The following ARL6IP6 variants were observed in gnomAD, a reference collection of about 807,000 sequenced individuals.
The protein encoded by ARL6IP6 is ARF like GTPase 6 interacting protein 6.
Under a neutral mutation model 21.5 loss-of-function variants are expected in ARL6IP6, and 22 were observed. The ratio of observed to expected loss-of-function variants is 1.02; its 90% CI spans 0.73 to 1.46. ARL6IP6 has a LOEUF of 1.46. ARL6IP6 is among the 40% of genes most tolerant of loss of function. ARL6IP6 has a pLI of 0.00. For synonymous variants in ARL6IP6, 164 were observed against 125.3 expected, an observed-to-expected ratio of 1.31 and a Z score of -2.06; for missense variants, 388 against 299.8, an observed-to-expected ratio of 1.29 and a Z score of -2.17.
chr2:152,754,247 C>T (rs559448804), intron 3 of ARL6IP6, among the ~76,000 whole-genome samples: 21 of 152,254 alleles, frequency 1.4e-4, no homozygotes, highest in African/African-American at 4.6e-4. Flanking sequence ...CCTGGAAACC[C>T]ATAGTCTACT....
chr2:152,744,362 A>G (rs1026414402), intron 3 of ARL6IP6, among the ~76,000 whole-genome samples: 1 of 152,118 alleles, frequency 6.6e-6, no homozygotes, highest in Non-Finnish European at 1.5e-5. Flanking sequence ...TTGAATGTCT[A>G]TTTTATAGAA....
intron 3 of ARL6IP6, among the ~76,000 whole-genome samples, chr2:152,735,777 A>T (rs1700522607): frequency 6.6e-6 from 1 of 151,916 alleles, no homozygotes; most frequent in Non-Finnish European, 1.5e-5. Flanking sequence ...TTTGGGGAGG[A>T]CATGAAGACA....
chr2:152,746,821 C>CTTTTTTTTT (rs61506535), intron 3 of ARL6IP6, among the ~76,000 whole-genome samples: 485 of 32,962 alleles, frequency 0.015, 66 homozygotes, highest in Middle Eastern at 0.028. Flanking sequence ...TTTATCCTTT[C>CTTTTTTTTT]TTTTTTTTTT....
intron 3 of ARL6IP6, among the ~76,000 whole-genome samples, chr2:152,745,997 G>A (rs1701025405): frequency 1.3e-5 from 1 of 74,680 alleles, no homozygotes; most frequent in Admixed American, 1.2e-4. Flanking sequence ...TGCTTGCTTT[G>A]TACCTTTTTT....
chr2:152,752,533 A>G (rs1701386923), intron 3 of ARL6IP6, among the ~76,000 whole-genome samples: 1 of 152,204 alleles, frequency 6.6e-6, no homozygotes, highest in Non-Finnish European at 1.5e-5. Context: ...GACAGCAGGG[A>G]TTTATTAAAG....
At chr2:152,717,994 A>G, upstream of ARL6IP6, 13 of 996,906 alleles carry the variant, frequency 1.3e-5, no homozygotes, top group Non-Finnish European at 1.6e-5. Flanking sequence ...CGTACGCACC[A>G]GGTGGAGAGC....
chr2:152,757,086 T>A (rs1452794283), intron 3 of ARL6IP6, among the ~76,000 whole-genome samples: 1 of 152,180 alleles, frequency 6.6e-6, no homozygotes, highest in Non-Finnish European at 1.5e-5. Context: ...ACAACATGGA[T>A]GAATCTCACA....
intron 2 of ARL6IP6, among the ~76,000 whole-genome samples, chr2:152,728,026 GT>G (rs1243745790): frequency 6.6e-6 from 1 of 151,864 alleles, no homozygotes; most frequent in Non-Finnish European, 1.5e-5. Context: ...TTTTCTCTTT[GT>G]TTACATATGT....
At chr2:152,718,562 C>G (rs939885654), upstream of ARL6IP6, 20 of 1,485,114 alleles carry the variant, frequency 1.3e-5, no homozygotes, top group Non-Finnish European at 1.8e-5. Context: ...TTGGCTGTTG[C>G]GGACCCGGGG....
At position 152,760,091 on chromosome 2, in the gene ARL6IP6, T is replaced by TC. The variant is rs1701766298; in HGVS notation, c.*252dup. ...TTCTTCAGAGTATAAGATGTTTACCTCATCTTTTTACTTTTGTGTGTGTAG... is the reference window on the plus strand; with the variant it reads ...TTCTTCAGAGTATAAGATGTTTACCTCCATCTTTTTACTTTTGTGTGTGTAG... On this transcript the variant is annotated 3_prime_UTR_variant, in exon 4 of 4. Transcript: ENST00000326446. 6.5e-6 allele frequency: 2 copies of TC among 306,988 alleles called. No individual in the cohort carries two copies. 19.0% of individuals were successfully genotyped at this position (306,988 alleles called of 1,614,324 possible).
Position 152,761,936 on chromosome 2 carries a change from T to G in ARL6IP6, c.*2096T>G, listed in dbSNP as rs367623671. On this transcript the variant is annotated 3_prime_UTR_variant, in exon 4 of 4. Coordinates refer to ENST00000326446, the MANE Select transcript of ARL6IP6 (RefSeq NM_152522.7). ...AGATATATATTAATATAGATAAATA[T>G]AGAGAGAGATGTATCCGTAAGATAT... Among the ~76,000 whole-genome samples, 7 of 152,120 alleles carry G rather than the reference T, an allele frequency of 4.6e-5. No homozygotes were observed. The highest frequency in any genetic ancestry group is 1.2e-4 in the African/African-American group (5 of 41,422).
intron 1 of ARL6IP6, chr2:152,719,759 A>C (rs972082666): frequency 4.9e-5 from 15 of 306,984 alleles, no homozygotes; most frequent in Middle Eastern, 1.2e-3. Flanking sequence ...TGAAAAAAAA[A>C]AAAAAAAAAA....
chr2:152,719,920 A>T (rs1438139528), intron 1 of ARL6IP6: 1 of 459,436 alleles, frequency 2.2e-6, no homozygotes, highest in East Asian at 7.1e-5. Context: ...TACAGATGGC[A>T]TGGCATCTAA....
At position 152,759,730 on chromosome 2, in the gene ARL6IP6, T is replaced by G; in HGVS notation, c.588-17T>G. ...TTACATTTTTCTTTTTTGATTTGTG[T>G]TTTTCTTTTTTTCTAGGAAACTGAC... is the stretch of plus-strand genomic sequence containing the variant. On this transcript the variant is annotated splice_polypyrimidine_tract_variant and intron_variant, in intron 3 of 3. Transcript: ENST00000326446. The G allele has an allele frequency of 6.2e-7, 1 of 1,601,804 alleles. No homozygotes were observed. The highest frequency in any genetic ancestry group is 8.5e-7 in the Non-Finnish European group (1 of 1,170,244).
intron 2 of ARL6IP6, among the ~76,000 whole-genome samples, chr2:152,723,182 T>TA (rs1381910502): frequency 6.6e-6 from 1 of 152,228 alleles, no homozygotes; most frequent in African/African-American, 2.4e-5. Flanking sequence ...AGGAGATGCC[T>TA]ATGAAGTTAC....
chr2:152,748,190 T>A (rs1339338316), intron 3 of ARL6IP6, among the ~76,000 whole-genome samples: 4 of 152,230 alleles, frequency 2.6e-5, no homozygotes, highest in Non-Finnish European at 5.9e-5. Flanking sequence ...GGAAGCATTC[T>A]CTTTAAAATT....
chr2:152,753,836 A>T (rs929368804), intron 3 of ARL6IP6, among the ~76,000 whole-genome samples: 2 of 151,702 alleles, frequency 1.3e-5, no homozygotes, highest in African/African-American at 4.8e-5. Flanking sequence ...AGCTGGCACT[A>T]CAGGCGCTCG....
intron 2 of ARL6IP6, among the ~76,000 whole-genome samples, chr2:152,723,731 C>G (rs901213791): frequency 1.3e-5 from 2 of 151,988 alleles, no homozygotes; most frequent in African/African-American, 4.8e-5. Context: ...TGGGGACTTG[C>G]TTTTTTAAAA....
At chr2:152,717,903 A>C (rs1055324211), upstream of ARL6IP6, 38 of 1,004,906 alleles carry the variant, frequency 3.8e-5, no homozygotes, top group African/African-American at 5.9e-4. Flanking sequence ...CTGGGACCGA[A>C]TGCGCGCGCG....
Sources: allele counts gnomAD v4.1 joint callset (sites outside exome capture counted in the v4.1 genomes callset), GRCh38; gene constraint gnomAD v4.1.1; transcripts MANE v1.5; gene names NCBI Gene and HGNC (gene_info 2026-07-23, HGNC 2026-07-21).